SEMA5A: variants seen among roughly 807,000 people sequenced by gnomAD.
SEMA5A encodes semaphorin 5A, also known as semaphorin-5A.
SEMA5A carries 55 observed loss-of-function variants against 135.5 expected under a neutral mutation model. The ratio of observed to expected loss-of-function variants is 0.41; its 90% CI spans 0.33 to 0.51. SEMA5A has a LOEUF of 0.51. SEMA5A is among the 20% of genes least tolerant of loss of function. The pLI is 0.37. For synonymous variants in SEMA5A, 580 were observed against 546.5 expected, an observed-to-expected ratio of 1.06 and a Z score of -0.85; for missense variants, 1,290 against 1,419.9, an observed-to-expected ratio of 0.91 and a Z score of 1.47.
chr5:9,044,214 C>G (rs1736117748), intron 22 of SEMA5A, among the ~76,000 whole-genome samples, 159 bp downstream of exon 22: 1 of 152,112 alleles, frequency 6.6e-6, no homozygotes, highest in African/African-American at 2.4e-5. Flanking sequence ...GTTCTCCCAG[C>G]CACCTGAAGT....
chr5:9,542,148 T>C (rs1738127144), intron 1 of SEMA5A, among the ~76,000 whole-genome samples: 1 of 152,224 alleles, frequency 6.6e-6, no homozygotes, highest in South Asian at 2.1e-4. Context: ...AAATATGCTA[T>C]ATATTTACCA....
intron 5 of SEMA5A, among the ~76,000 whole-genome samples, chr5:9,300,953 G>A (rs964730353): frequency 6.6e-6 from 1 of 152,130 alleles, no homozygotes; most frequent in African/African-American, 2.4e-5. Context: ...CTCCAGCACT[G>A]TAAAAGGATA....
intron 1 of SEMA5A, among the ~76,000 whole-genome samples, chr5:9,444,101 A>G (rs1758339837): frequency 6.6e-6 from 1 of 152,254 alleles, no homozygotes; most frequent in African/African-American, 2.4e-5. Context: ...ACTCAAATGA[A>G]AAATGATGTA....
At chr5:9,394,635 G>A (rs2126540748) in intron 2 of SEMA5A, among the ~76,000 whole-genome samples, 1 of 152,270 alleles carries the variant, frequency 6.6e-6, no homozygotes, top group East Asian at 1.9e-4. Flanking sequence ...GGGGGAGCAG[G>A]CAGGTTTTGG....
At chr5:9,210,584 C>T (rs1806050) in intron 8 of SEMA5A, among the ~76,000 whole-genome samples, 10 of 152,060 alleles carry the variant, frequency 6.6e-5, no homozygotes, top group Admixed American at 4.6e-4. Flanking sequence ...CCATTTGTAA[C>T]GCTGGTATTT....
At chr5:9,293,070 G>GCT (rs1561115855) in intron 5 of SEMA5A, among the ~76,000 whole-genome samples, 1 of 152,138 alleles carries the variant, frequency 6.6e-6, no homozygotes, top group Non-Finnish European at 1.5e-5. Flanking sequence ...AGCCTTGGTA[G>GCT]CACTGTTTCA....
At chr5:9,289,525 C>T (rs559058232) in intron 5 of SEMA5A, among the ~76,000 whole-genome samples, 95 of 151,568 alleles carry the variant, frequency 6.3e-4, no homozygotes, top group Non-Finnish European at 1.1e-3. Flanking sequence ...ATTAGCCAGG[C>T]GTGGTGGCAC....
At chr5:9,182,914 A>ATGCTTAG (rs1744601704) in intron 11 of SEMA5A, among the ~76,000 whole-genome samples, 1 of 152,054 alleles carries the variant, frequency 6.6e-6, no homozygotes, top group Non-Finnish European at 1.5e-5. Flanking sequence ...AACTTTCAGT[A>ATGCTTAG]ATTATTATTA....
Position 9,073,323 on chromosome 5 carries a change from G to A in SEMA5A, c.2074-6677C>T, listed in dbSNP as rs72739891. 6.1e-3 allele frequency among the ~76,000 whole-genome samples: 930 copies of A among 152,174 alleles called. 2 individuals are homozygous for A. Among genetic ancestry groups the A allele is most frequent in the Non-Finnish European group, 9.5e-3 (647 of 68,000 alleles). On this transcript the variant is annotated intron_variant, in intron 16 of 22. Coordinates refer to ENST00000382496, the MANE Select transcript of SEMA5A (RefSeq NM_003966.3). ...GGTTATCATTTGAAATTCAATTAACGTAATTCATCATATGAACTGTATAGA... is the reference window on the plus strand; with the variant it reads ...GGTTATCATTTGAAATTCAATTAACATAATTCATCATATGAACTGTATAGA...
chr5:9,521,339 G>T (rs1172181446), intron 1 of SEMA5A, among the ~76,000 whole-genome samples: 2 of 152,214 alleles, frequency 1.3e-5, no homozygotes, highest in Non-Finnish European at 2.9e-5. Context: ...GAACCCAGGA[G>T]GTGGAGGCCG....
chr5:9,196,056 G>A (rs1368640131), intron 10 of SEMA5A, among the ~76,000 whole-genome samples: 1 of 152,254 alleles, frequency 6.6e-6, no homozygotes, highest in Non-Finnish European at 1.5e-5. Flanking sequence ...TGCCACCAGT[G>A]TGCAAGCTGA....
At chr5:9,227,875 T>C (rs1354633225) in intron 6 of SEMA5A, among the ~76,000 whole-genome samples, 1 of 152,160 alleles carries the variant, frequency 6.6e-6, no homozygotes, top group Non-Finnish European at 1.5e-5. Context: ...AATTCATTGA[T>C]TGAAAAGTGA....
chr5:9,088,659 T>TATATATATATATACAC, intron 16 of SEMA5A, among the ~76,000 whole-genome samples: 1 of 112,872 alleles, frequency 8.9e-6, no homozygotes, highest in Non-Finnish European at 1.7e-5. Flanking sequence ...TATATATATA[T>TATATATATATATACAC]ACACACACAC....
chr5:9,442,827 A>G (rs1431667695), intron 1 of SEMA5A, among the ~76,000 whole-genome samples: 15 of 152,244 alleles, frequency 9.9e-5, no homozygotes, highest in Admixed American at 9.8e-4. Context: ...ACATCAGTCT[A>G]AAAACTCAGC....
chr5:9,209,856 T>C (rs546948199), intron 8 of SEMA5A, among the ~76,000 whole-genome samples: 3 of 152,304 alleles, frequency 2.0e-5, no homozygotes, highest in Admixed American at 1.3e-4. Flanking sequence ...AGAAACAAGA[T>C]GACAACATGA....
In SEMA5A at chr5:9,174,206, C is replaced by A. The variant is rs577766311; in HGVS notation, c.1273+16061G>T. Among the ~76,000 whole-genome samples the A allele has an allele frequency of 8.4e-4, 128 of 152,302 alleles. 1 individual carries two copies. The highest frequency in any genetic ancestry group is 2.9e-3 in the African/African-American group (120 of 41,570). On this transcript the variant is annotated intron_variant, in intron 11 of 22. Transcript: ENST00000382496. ...CACCGCTGTAAATTACAGCTTACTG[C>A]AGACATTCTGGTGAAAGGAAATGTT...
chr5:9,058,437 C>A (rs1238426714), intron 18 of SEMA5A, among the ~76,000 whole-genome samples: 1 of 152,164 alleles, frequency 6.6e-6, no homozygotes, highest in African/African-American at 2.4e-5. Context: ...CAAGTTAGCT[C>A]AAGAAATACT....
At chr5:9,200,691 T>C (rs1302093447) in intron 9 of SEMA5A, among the ~76,000 whole-genome samples, 1 of 152,136 alleles carries the variant, frequency 6.6e-6, no homozygotes, top group African/African-American at 2.4e-5. Context: ...AGACTCTTCA[T>C]GGGGGGTAAA....
chr5:9,215,665 C>A (rs1273693526), intron 8 of SEMA5A, among the ~76,000 whole-genome samples: 3 of 152,148 alleles, frequency 2.0e-5, no homozygotes, highest in African/African-American at 7.2e-5. Flanking sequence ...GGACCTTCAG[C>A]CTTCAGCATT....
Sources: gnomAD v4.1 joint callset for allele counts (sites outside exome capture counted in the v4.1 genomes callset) on GRCh38, gnomAD v4.1.1 for gene constraint, MANE v1.5 for transcripts, NCBI Gene and HGNC (gene_info 2026-07-23, HGNC 2026-07-21) for gene names.